Variants in PLEKHG1 observed in about 807,000 individuals in gnomAD.
PLEKHG1 encodes the protein pleckstrin homology domain-containing family G member 1.
In PLEKHG1, 44 loss-of-function variants were observed where a neutral mutation model predicts 100.8. The observed-to-expected ratio is 0.44, with a 90% CI of 0.34 to 0.56. PLEKHG1 has a LOEUF of 0.56. Ranked by LOEUF, PLEKHG1 falls within the 20% of genes least tolerant of loss-of-function variation. The pLI is 0.01. For synonymous variants in PLEKHG1, 640 were observed against 662.5 expected, an observed-to-expected ratio of 0.97 and a Z score of 0.52; for missense variants, 1,545 against 1,720.9, an observed-to-expected ratio of 0.90 and a Z score of 1.81.
chr6:150,726,461 T>C (rs533996859), intron 1 of PLEKHG1, among the ~76,000 whole-genome samples: 39 of 152,302 alleles, frequency 2.6e-4, no homozygotes, highest in African/African-American at 9.1e-4. Context: ...ATTTAAAACA[T>C]TTTTGAGCTA....
chr6:150,741,646 A>G (rs1177756551), intron 2 of PLEKHG1, among the ~76,000 whole-genome samples: 1 of 151,654 alleles, frequency 6.6e-6, no homozygotes, highest in African/African-American at 2.4e-5. Flanking sequence ...TATTGAATGT[A>G]CAGAGGACAA....
intron 2 of PLEKHG1, among the ~76,000 whole-genome samples, chr6:150,736,832 G>GA (rs373655509): frequency 1.8e-4 from 26 of 147,668 alleles, no homozygotes; most frequent in South Asian, 4.3e-4. Flanking sequence ...AATTTAATTA[G>GA]AAAAAAAAAA....
chr6:150,765,711 G>T (rs1426782582), intron 2 of PLEKHG1, among the ~76,000 whole-genome samples: 1 of 152,034 alleles, frequency 6.6e-6, no homozygotes, highest in Admixed American at 6.6e-5. Flanking sequence ...AAGTGTGTGT[G>T]TTTTCTTTCC....
chr6:150,743,337 A>G (rs1466154718), intron 2 of PLEKHG1, among the ~76,000 whole-genome samples: 1 of 152,138 alleles, frequency 6.6e-6, no homozygotes, highest in Non-Finnish European at 1.5e-5. Flanking sequence ...CCTGACCAGC[A>G]TGGTGAAACC....
intron 2 of PLEKHG1, among the ~76,000 whole-genome samples, chr6:150,755,771 G>A (rs779326914): frequency 3.3e-5 from 5 of 152,134 alleles, no homozygotes; most frequent in African/African-American, 4.8e-5. Context: ...CCAGCCCTGC[G>A]GCTGAGGCCT....
At chr6:150,695,365 TTTTAA>T (rs1488560147) in intron 3 of PLEKHG1, among the ~76,000 whole-genome samples, 1 of 152,214 alleles carries the variant, frequency 6.6e-6, no homozygotes, top group African/African-American at 2.4e-5. Context: ...CTTAATTTGG[TTTTAA>T]TTTAAGATAA....
At chr6:150,843,447 A>G (rs1181005271) in exon 16 of PLEKHG1, 1 of 152,212 alleles carries the variant, frequency 6.6e-6, no homozygotes, top group Non-Finnish European at 1.5e-5. Flanking sequence ...GTGGGGATGT[A>G]TATAACGAGG....
chr6:150,668,926 G>T (rs892264025), intron 3 of PLEKHG1, among the ~76,000 whole-genome samples: 1 of 152,152 alleles, frequency 6.6e-6, no homozygotes, highest in Non-Finnish European at 1.5e-5. Context: ...CTGAATTATT[G>T]TGAGCAATGT....
In PLEKHG1 at chr6:150,600,699, G is replaced by T. The variant is rs1776313162; in HGVS notation, c.-204+682G>T. On this transcript the variant is annotated intron_variant, in intron 1 of 3. Coordinates refer to the PLEKHG1 transcript ENST00000367326. This position sits in a 1 kb window ranked among gnomAD's most constrained non-coding sequence, Gnocchi z 6.2. ...TCTGCGAGCGTTCTGGCCTCGGCGGGCGGCGGGGAACCGCAGTGATGCCCG... is the reference window on the plus strand; with the variant it reads ...TCTGCGAGCGTTCTGGCCTCGGCGGTCGGCGGGGAACCGCAGTGATGCCCG... The T allele has an allele frequency of 6.6e-6, 1 of 152,392 alleles. No individual in the cohort carries two copies. Among genetic ancestry groups the T allele is most frequent in the Non-Finnish European group, 1.5e-5 (1 of 68,156 alleles). The allele number at this position is 152,392 out of a possible 1,614,324, so 9.4% of individuals were successfully genotyped here.
At chr6:150,631,487 C>T (rs1777745400) in intron 1 of PLEKHG1, among the ~76,000 whole-genome samples, 3 of 152,236 alleles carry the variant, frequency 2.0e-5, no homozygotes, top group African/African-American at 4.8e-5. Context: ...CCACACCTTA[C>T]ACCTAGTGGA....
chr6:150,749,087 G>C (rs1004410911), intron 2 of PLEKHG1, among the ~76,000 whole-genome samples: 1 of 152,172 alleles, frequency 6.6e-6, no homozygotes, highest in Admixed American at 6.5e-5. Flanking sequence ...GCTGATAGCT[G>C]CTCACACCCC....
intron 2 of PLEKHG1, among the ~76,000 whole-genome samples, chr6:150,768,159 G>A (rs557606507): frequency 2.6e-5 from 4 of 152,336 alleles, no homozygotes; most frequent in African/African-American, 9.6e-5. Flanking sequence ...AAAAAAATAA[G>A]TTGGTATTTG....
intron 10 of PLEKHG1, among the ~76,000 whole-genome samples, chr6:150,817,286 G>A (rs1486626668): frequency 6.6e-6 from 1 of 152,122 alleles, no homozygotes; most frequent in Non-Finnish European, 1.5e-5. Flanking sequence ...TGTCCTTCAG[G>A]GCCGTCTCAC....
chr6:150,668,662 CTA>C (rs1779486888), intron 3 of PLEKHG1, among the ~76,000 whole-genome samples: 1 of 152,154 alleles, frequency 6.6e-6, no homozygotes, highest in Admixed American at 6.5e-5. Flanking sequence ...ACCTGAAACT[CTA>C]GCACAAAGGA....
chr6:150,716,225 ATGGT>A (rs1350350353), upstream of PLEKHG1, among the ~76,000 whole-genome samples: 1 of 152,194 alleles, frequency 6.6e-6, no homozygotes, highest in Non-Finnish European at 1.5e-5. Flanking sequence ...GCTTCCAAAA[ATGGT>A]TGGTTTTGCC....
intron 3 of PLEKHG1, among the ~76,000 whole-genome samples, chr6:150,657,469 T>C (rs988722619): frequency 1.3e-5 from 2 of 152,216 alleles, no homozygotes; most frequent in Non-Finnish European, 2.9e-5. Flanking sequence ...ATTAATTAAG[T>C]CAAAATTGTT....
At chr6:150,738,021 C>A (rs999247927) in intron 2 of PLEKHG1, among the ~76,000 whole-genome samples, 4 of 151,286 alleles carry the variant, frequency 2.6e-5, no homozygotes, top group African/African-American at 4.9e-5. Context: ...AATATGTTGT[C>A]CAGGCTGGTC....
intron 2 of PLEKHG1, among the ~76,000 whole-genome samples, chr6:150,743,689 T>C (rs1011063188): frequency 6.6e-6 from 1 of 152,212 alleles, no homozygotes; most frequent in African/African-American, 2.4e-5. Context: ...CTCTCCCTTC[T>C]TCTATGTCTC....
intron 6 of PLEKHG1, among the ~76,000 whole-genome samples, chr6:150,803,274 G>C (rs904184228): frequency 6.6e-6 from 1 of 152,074 alleles, no homozygotes; most frequent in Non-Finnish European, 1.5e-5. Flanking sequence ...ACCTCCACCC[G>C]TTAGCTGATT....
Sources: allele counts gnomAD v4.1 joint callset (sites outside exome capture counted in the v4.1 genomes callset), GRCh38; gene constraint gnomAD v4.1.1; non-coding constraint Gnocchi (gnomAD v3.1); transcripts MANE v1.5; gene names NCBI Gene and HGNC (gene_info 2026-07-23, HGNC 2026-07-21).